ASZ1: variants seen among roughly 807,000 people sequenced by gnomAD.
The protein encoded by ASZ1 is ankyrin repeat, SAM and basic leucine zipper domain containing 1.
Under a neutral mutation model 61.8 loss-of-function variants are expected in ASZ1, and 67 were observed. The ratio of observed to expected loss-of-function variants is 1.08; its 90% CI spans 0.89 to 1.33. ASZ1 has a LOEUF of 1.33. Ranked by LOEUF, ASZ1 falls within the 40% of genes most tolerant of loss-of-function variation. The pLI is 0.00. For missense variants in ASZ1, 577 were observed against 554.5 expected (o/e 1.04, Z -0.41); for synonymous variants, 193 against 192.7 (o/e 1.00, Z -0.01).
chr7:117,427,001 CAAT>C, intron 1 of ASZ1, 66 bp from the exon 2 acceptor site: 1 of 1,440,790 alleles, frequency 6.9e-7, no homozygotes, highest in Non-Finnish European at 9.4e-7. Context: ...CATCAGGAAA[CAAT>C]AATGTTTGGT....
rs1161457624 is a variant in ASZ1 at position 117,379,168 on chromosome 7, T to TATACACACACAC, written c.1055+769_1055+770insGTGTGTGTGTAT. Among the ~76,000 whole-genome samples, 72 of 69,662 alleles carry TATACACACACAC rather than the reference T, an allele frequency of 1.0e-3. 1 individual carries two copies. The highest frequency in any genetic ancestry group is 3.7e-3 in the African/African-American group (67 of 18,296). 45.7% of individuals were successfully genotyped at this position (69,662 alleles called of 152,430 possible). The stretch of plus-strand genomic sequence containing the variant: ...ATATATATATATATATATATATATA[T>TATACACACACAC]ACACACACACACACACACACACACA... On this transcript the variant is annotated intron_variant, in intron 10 of 12. Coordinates refer to ENST00000284629, the MANE Select transcript of ASZ1 (RefSeq NM_130768.3).
At chr7:117,381,500 C>T (rs1296499744) in intron 8 of ASZ1, among the ~76,000 whole-genome samples, 1 of 152,092 alleles carries the variant, frequency 6.6e-6, no homozygotes, top group East Asian at 1.9e-4. Context: ...AGAATGTGCA[C>T]ACTCCCAAGA....
At chr7:117,385,542 TGA>T (rs1385970003) in intron 5 of ASZ1, among the ~76,000 whole-genome samples, 154 bp downstream of exon 5, 4 of 152,194 alleles carry the variant, frequency 2.6e-5, no homozygotes, top group Admixed American at 6.6e-5. Context: ...ATTACAGGTG[TGA>T]GTCACCATAC....
At chr7:117,366,164 T>A (rs1254075958) in intron 12 of ASZ1, among the ~76,000 whole-genome samples, 1 of 152,036 alleles carries the variant, frequency 6.6e-6, no homozygotes, top group East Asian at 1.9e-4. Flanking sequence ...CTCAGGAGGC[T>A]GAGGCAGGAG....
At chr7:117,419,744 A>C (rs1200065722) in intron 4 of ASZ1, among the ~76,000 whole-genome samples, 1 of 152,224 alleles carries the variant, frequency 6.6e-6, no homozygotes, top group Non-Finnish European at 1.5e-5. Context: ...GTGAAGTCTT[A>C]AGAAAATGGA....
rs758042383 is a variant in ASZ1, at chr7:117,426,946, A to G, written c.106-11T>C. 8.9e-6 allele frequency: 14 copies of G among 1,576,958 alleles called. No individual in the cohort carries two copies. The South Asian group carries it at 1.6e-4, about 18-fold the overall frequency. On this transcript the variant is annotated splice_polypyrimidine_tract_variant and intron_variant, in intron 1 of 12. Transcript: ENST00000284629. ...TAGCCTTTTCAATTTCTAGAAAAGTAAACATTTTAAAAAATTCTTGTTATA... is the reference window on the plus strand; with the variant it reads ...TAGCCTTTTCAATTTCTAGAAAAGTGAACATTTTAAAAAATTCTTGTTATA...
Position 117,363,434 on chromosome 7 carries a change from G to T in ASZ1, c.*162C>A. 1 of 480,668 alleles carries T rather than the reference G, an allele frequency of 2.1e-6. No individual in the cohort carries two copies. Among genetic ancestry groups the T allele is most frequent in the Non-Finnish European group, 3.3e-6 (1 of 298,582 alleles). The allele number at this position is 480,668 out of a possible 1,614,324, so 29.8% of individuals were successfully genotyped here. A position where few individuals can be genotyped will look rare whatever the true frequency, so the allele number is the denominator to read the frequency against. ...TAACAAATTGTATTTATAAGTCAAA[G>T]TAACAAACCACTTTTTAAAAAAAAA... On this transcript the variant is annotated 3_prime_UTR_variant, in exon 13 of 13. Transcript: ENST00000284629.
At chr7:117,398,833 A>C (rs556434273) in intron 4 of ASZ1, among the ~76,000 whole-genome samples, 1 of 152,282 alleles carries the variant, frequency 6.6e-6, no homozygotes, top group South Asian at 2.1e-4. Flanking sequence ...TGCCTAAATG[A>C]AACAGGCTCT....
At chr7:117,382,850 A>T in intron 7 of ASZ1, 136 bp downstream of exon 7, 2 of 1,031,186 alleles carry the variant, frequency 1.9e-6, no homozygotes, top group South Asian at 5.8e-5. Context: ...GAGAACACTA[A>T]AAACCCAGAC....
At position 117,427,411 on chromosome 7, in the gene ASZ1, C is replaced by T. The variant is rs1028490816; in HGVS notation, c.50G>A (p.Ser17Asn). 2.5e-6 allele frequency: 4 copies of T among 1,614,134 alleles called. No individual in the cohort carries two copies. The highest frequency in any genetic ancestry group is 3.4e-6 in the Non-Finnish European group (4 of 1,180,026). The change falls in exon 1 of 13, where the codon AGT (serine) becomes AAT (asparagine). Residue 17 changes from serine to asparagine, a missense_variant. Ser to Asn is a conservative substitution (Grantham distance 46). Transcript: ENST00000284629. ...RGLPVAGGGE[S>N]SESEDDGWEI... is the part of the protein sequence containing the mutation. ...CCAGCCATCATCCTCGCTCTCGCTA[C>T]TCTCGCCTCCGCCAGCCACTGGCAG... is the stretch of plus-strand genomic sequence containing the variant.
At chr7:117,415,362 G>A (rs957665602) in intron 4 of ASZ1, among the ~76,000 whole-genome samples, 4 of 151,982 alleles carry the variant, frequency 2.6e-5, no homozygotes, top group African/African-American at 7.3e-5. Flanking sequence ...GCATATCCAC[G>A]CTATATATAC....
intron 7 of ASZ1, 74 bp from the exon 8 acceptor site, chr7:117,382,218 G>A: frequency 1.1e-6 from 1 of 895,548 alleles, no homozygotes; most frequent in Non-Finnish European, 1.8e-6. Context: ...CATTTATATT[G>A]CAAGAGAATA....
chr7:117,420,102 G>T, intron 4 of ASZ1, 61 bp downstream of exon 4: 3 of 1,238,928 alleles, frequency 2.4e-6, no homozygotes, highest in Non-Finnish European at 2.3e-6. Context: ...TTTTTAAAAG[G>T]CTGATACCAA....
At chr7:117,413,205 G>A (rs1304116414) in intron 4 of ASZ1, among the ~76,000 whole-genome samples, 3 of 151,814 alleles carry the variant, frequency 2.0e-5, no homozygotes, top group African/African-American at 7.2e-5. Context: ...ATATAGACAA[G>A]ATGAAGAATA....
intron 10 of ASZ1, among the ~76,000 whole-genome samples, chr7:117,369,613 G>A (rs1796011182): frequency 6.6e-6 from 1 of 152,132 alleles, no homozygotes; most frequent in Non-Finnish European, 1.5e-5. Context: ...GTCTTACTGT[G>A]GGGAGGAGGT....
intron 4 of ASZ1, among the ~76,000 whole-genome samples, chr7:117,386,474 C>G (rs1584726162): frequency 6.6e-6 from 1 of 152,252 alleles, no homozygotes; most frequent in African/African-American, 2.4e-5. Flanking sequence ...TCCTTCTACT[C>G]CTGGAAGTTA....
At chr7:117,407,289 A>AT (rs1180709523) in intron 4 of ASZ1, among the ~76,000 whole-genome samples, 1 of 152,208 alleles carries the variant, frequency 6.6e-6, no homozygotes, top group Non-Finnish European at 1.5e-5. Flanking sequence ...GAATTACTAC[A>AT]TACAAAGGGG....
At chr7:117,421,562 T>C (rs1010849697) in intron 3 of ASZ1, among the ~76,000 whole-genome samples, 2 of 151,878 alleles carry the variant, frequency 1.3e-5, no homozygotes, top group African/African-American at 2.4e-5. Context: ...AAAAACCTAA[T>C]AGAAAATATT....
At chr7:117,369,736 C>T (rs17139750) in intron 10 of ASZ1, among the ~76,000 whole-genome samples, 3,212 of 152,084 alleles carry the variant, frequency 0.021, 114 homozygotes, top group African/African-American at 0.073. Flanking sequence ...CCACGGAAGG[C>T]GGTGCTGCCA....
Sources: gnomAD v4.1 joint callset for allele counts (sites outside exome capture counted in the v4.1 genomes callset) on GRCh38, gnomAD v4.1.1 for gene constraint, MANE v1.5 for transcripts, NCBI Gene and HGNC (gene_info 2026-07-23, HGNC 2026-07-21) for gene names.